Variants in SPA17 observed in about 807,000 individuals in gnomAD.
The protein encoded by SPA17 is sperm autoantigenic protein 17, also known as sperm surface protein Sp17.
SPA17 carries 7 observed loss-of-function variants against 13.8 expected under a neutral mutation model. The observed-to-expected ratio is 0.51, with a 90% CI of 0.29 to 0.95. The LOEUF is 0.95. Among genes scored for constraint, SPA17 ranks in the 40% least tolerant of loss-of-function variants. SPA17 has a pLI of 0.08. For missense variants in SPA17, 170 were observed against 179.3 expected, an observed-to-expected ratio of 0.95 and a Z score of 0.30; for synonymous variants, 61 against 59.0, an observed-to-expected ratio of 1.03 and a Z score of -0.16.
In SPA17 at chr11:124,675,304, C is replaced by A; in HGVS notation, c.40C>A (p.Gln14Lys). ...CTCCAACACCCACTACCGAATTCCACAAGGATTTGGGAATCTTCTTGAAGG... is the reference window on the plus strand; with the variant it reads ...CTCCAACACCCACTACCGAATTCCAAAAGGATTTGGGAATCTTCTTGAAGG... ...PFSNTHYRIP[Q>K]GFGNLLEGLT... Residue 14 changes from glutamine to lysine, a missense_variant, in exon 2 of 5, where the codon CAA becomes AAA. By Grantham distance (53) the Gln-to-Lys change is moderately conservative (BLOSUM62 1). Transcript: ENST00000227135. 1.2e-6 allele frequency: 2 copies of A among 1,614,150 alleles called. No individual in the cohort carries two copies. Among genetic ancestry groups the A allele is most frequent in the Non-Finnish European group, 1.7e-6 (2 of 1,180,028 alleles).
intron 3 of SPA17, among the ~76,000 whole-genome samples, chr11:124,685,524 C>A (rs538568294): frequency 2.9e-4 from 44 of 152,336 alleles, no homozygotes; most frequent in Non-Finnish European, 4.9e-4. Context: ...AGAGTCCCCA[C>A]TGGGGCACTG....
rs534911830 is a variant in SPA17, at chr11:124,696,419, A to G, written c.*1973A>G. On this transcript the variant is annotated 3_prime_UTR_variant, in exon 5 of 5. Transcript: ENST00000227135. Reference sequence around the variant, plus strand: ...TATAGCAGGAAAAAAAAAAAAGATGAGTTAGCTTTTTCAGTAATTCTCCTG... The same window carrying G: ...TATAGCAGGAAAAAAAAAAAAGATGGGTTAGCTTTTTCAGTAATTCTCCTG... The G allele has an allele frequency of 2.0e-5, 3 of 151,860 alleles. No individual in the cohort carries two copies. In the East Asian group the frequency reaches 5.8e-4, roughly 29 times the overall value. The allele number at this position is 151,860 out of a possible 1,614,324, so 9.4% of individuals were successfully genotyped here. A position where few individuals can be genotyped will look rare whatever the true frequency, so the allele number is the denominator to read the frequency against.
At chr11:124,687,840 G>T (rs1252573903) in intron 3 of SPA17, among the ~76,000 whole-genome samples, 2 of 152,082 alleles carry the variant, frequency 1.3e-5, no homozygotes, top group African/African-American at 4.8e-5. Flanking sequence ...TACTGAATGG[G>T]AAAAAGTTAA....
intron 4 of SPA17, among the ~76,000 whole-genome samples, chr11:124,692,538 C>A (rs1002862011): frequency 6.6e-6 from 1 of 152,178 alleles, no homozygotes; most frequent in East Asian, 1.9e-4. Flanking sequence ...CAAGATCACG[C>A]CACTGCACTC....
chr11:124,686,402 C>A (rs1943579602), intron 3 of SPA17, among the ~76,000 whole-genome samples: 1 of 152,134 alleles, frequency 6.6e-6, no homozygotes, highest in Admixed American at 6.5e-5. Flanking sequence ...TGGACTGATA[C>A]AATAGCATTG....
chr11:124,678,435 A>G (rs982863701), intron 2 of SPA17, among the ~76,000 whole-genome samples: 1 of 151,864 alleles, frequency 6.6e-6, no homozygotes, highest in Admixed American at 6.6e-5. Flanking sequence ...AGCCTCCCAA[A>G]GTGCTGGAAT....
rs1943669317 is a variant in SPA17 at position 124,696,123 on chromosome 11, A to G, written c.*1677A>G. 1 of 152,212 alleles carries G rather than the reference A, an allele frequency of 6.6e-6. No individual in the cohort carries two copies. Among genetic ancestry groups the G allele is most frequent in the African/African-American group, 2.4e-5 (1 of 41,426 alleles). 9.4% of individuals were successfully genotyped at this position (152,212 alleles called of 1,614,324 possible). On this transcript the variant is annotated 3_prime_UTR_variant, in exon 5 of 5. Coordinates refer to ENST00000227135, the MANE Select transcript of SPA17 (RefSeq NM_017425.4). ...CACTGTAGAGAGTTTCATGCTAGCTAAACACAAGTCTCTAATATCCCCCTT... is the reference window on the plus strand; with the variant it reads ...CACTGTAGAGAGTTTCATGCTAGCTGAACACAAGTCTCTAATATCCCCCTT...
chr11:124,680,309 C>T (rs1219491023), intron 2 of SPA17, among the ~76,000 whole-genome samples: 2 of 152,024 alleles, frequency 1.3e-5, no homozygotes, highest in Non-Finnish European at 2.9e-5. Context: ...CCGTCAAACC[C>T]GAATTAGATC....
chr11:124,686,989 C>T (rs1943583867), intron 3 of SPA17, among the ~76,000 whole-genome samples: 1 of 151,886 alleles, frequency 6.6e-6, no homozygotes, highest in African/African-American at 2.4e-5. Context: ...AAAGGATTAA[C>T]AAAACAAAAA....
chr11:124,689,663 A>G (rs1273229124), intron 3 of SPA17, among the ~76,000 whole-genome samples: 1 of 151,982 alleles, frequency 6.6e-6, no homozygotes, highest in African/African-American at 2.4e-5. Flanking sequence ...TGTAGTCCCC[A>G]GCTACTTGGG....
intron 1 of SPA17, chr11:124,674,365 A>G (rs1484000786): frequency 6.6e-6 from 1 of 152,292 alleles, no homozygotes; most frequent in Non-Finnish European, 1.5e-5. Context: ...CAAAGAAAAA[A>G]AAAGCGATGA....
intron 3 of SPA17, among the ~76,000 whole-genome samples, chr11:124,684,207 A>T (rs1194176234): frequency 6.6e-6 from 1 of 152,174 alleles, no homozygotes; most frequent in African/African-American, 2.4e-5. Flanking sequence ...TCTTTTCTTA[A>T]TAAATTACCC....
At chr11:124,690,536 T>A (rs1255683837) in intron 3 of SPA17, among the ~76,000 whole-genome samples, 1 of 152,186 alleles carries the variant, frequency 6.6e-6, no homozygotes, top group Non-Finnish European at 1.5e-5. Context: ...ATTTGGGTGA[T>A]GGACACCCTA....
In SPA17 at chr11:124,694,186, G is replaced by C. The variant is rs1157227071; in HGVS notation, c.313-117G>C. The C allele has an allele frequency of 3.8e-6, 5 of 1,310,664 alleles. No individual in the cohort carries two copies. The African/African-American group carries it at 6.0e-5, about 16-fold the overall frequency. 81.2% of individuals were successfully genotyped at this position (1,310,664 alleles called of 1,614,324 possible). A position where few individuals can be genotyped will look rare whatever the true frequency, so the allele number is the denominator to read the frequency against. On this transcript the variant is annotated intron_variant, in intron 4 of 4. Transcript: ENST00000227135. ...ACAATATATGAAATTCCCTCAGGAAGCAACAGCTCTCAGATAGTTGCATCC... is the reference window on the plus strand; with the variant it reads ...ACAATATATGAAATTCCCTCAGGAACCAACAGCTCTCAGATAGTTGCATCC...
At chr11:124,675,134 CA>C (rs1436363422) in intron 1 of SPA17, 103 bp from the exon 2 acceptor site, 7 of 1,181,804 alleles carry the variant, frequency 5.9e-6, no homozygotes, top group African/African-American at 1.5e-5. Context: ...AAAAAGAATT[CA>C]AGTCCAGATG....
chr11:124,684,743 G>A (rs141546061), intron 3 of SPA17, among the ~76,000 whole-genome samples: 2,255 of 152,298 alleles, frequency 0.015, 44 homozygotes, highest in East Asian at 0.091. Flanking sequence ...AATGCTGATA[G>A]TGATATGGAC....
rs756279298 is a variant in SPA17, at chr11:124,691,800, T to G, written c.312+18T>G. On this transcript the variant is annotated intron_variant, in intron 4 of 4. Transcript: ENST00000227135. ...CCATCTTAGTATGTAATATTTTTCA[T>G]GTACTATTGGATTCCTACAAAGAAT... 7.8e-6 allele frequency: 12 copies of G among 1,532,832 alleles called. No homozygotes were observed. Among genetic ancestry groups the G allele is most frequent in the Admixed American group, 7.0e-5 (4 of 57,170 alleles). 95.0% of individuals were successfully genotyped at this position (1,532,832 alleles called of 1,614,324 possible). A position where few individuals can be genotyped will look rare whatever the true frequency, so the allele number is the denominator to read the frequency against.
At chr11:124,691,041 G>A (rs1943619242) in intron 3 of SPA17, among the ~76,000 whole-genome samples, 1 of 151,942 alleles carries the variant, frequency 6.6e-6, no homozygotes, top group Non-Finnish European at 1.5e-5. Flanking sequence ...ATTTTGGGGT[G>A]TTTCTTTTTT....
chr11:124,687,064 A>G (rs898179431), intron 3 of SPA17, among the ~76,000 whole-genome samples: 4 of 152,180 alleles, frequency 2.6e-5, no homozygotes, highest in African/African-American at 9.6e-5. Flanking sequence ...AGAAGAGAGA[A>G]GACCCAAATA....
Sources: gnomAD v4.1 joint callset for allele counts (sites outside exome capture counted in the v4.1 genomes callset) on GRCh38, gnomAD v4.1.1 for gene constraint, MANE v1.5 for transcripts, NCBI Gene and HGNC (gene_info 2026-07-23, HGNC 2026-07-21) for gene names.